Variants in RCC1L observed in about 807,000 individuals in gnomAD.
RCC1L encodes the protein RCC1 like, also known as RCC1-like G exchanging factor-like protein.
Under a neutral mutation model 58.6 loss-of-function variants are expected in RCC1L, and 46 were observed. The observed-to-expected ratio is 0.79, with a 90% confidence interval of 0.62 to 1.00. The LOEUF is 1.00. Ranked by LOEUF, RCC1L falls within the 50% of genes least tolerant of loss-of-function variation. The pLI is 0.00. For synonymous variants in RCC1L, 281 were observed against 262.9 expected (o/e 1.07, Z -0.67); for missense variants, 636 against 623.6 (o/e 1.02, Z -0.21).
chr7:75,055,801 G>A (rs1200414636), intron 9 of RCC1L, 100 bp downstream of exon 9: 15 of 1,408,514 alleles, frequency 1.1e-5, no homozygotes, highest in Non-Finnish European at 1.4e-5. Flanking sequence ...CCGTTCTGTT[G>A]GATGGGTGGA....
At chr7:75,040,820 G>A (rs992284790), downstream of RCC1L, among the ~76,000 whole-genome samples, 4,227 of 152,202 alleles carry the variant, frequency 0.028, 95 homozygotes, top group Middle Eastern at 0.058. Context: ...AATGGGGTTC[G>A]CAGCCCAGGT....
At chr7:75,037,961 G>GT (rs1805464468), downstream of RCC1L, among the ~76,000 whole-genome samples, 1 of 152,192 alleles carries the variant, frequency 6.6e-6, no homozygotes, top group Non-Finnish European at 1.5e-5. Context: ...CGGGGCTGGT[G>GT]TTTAATGAAT....
At chr7:75,066,906 A>G in intron 2 of RCC1L, 114 bp from the exon 3 acceptor site, 1 of 1,376,118 alleles carries the variant, frequency 7.3e-7, no homozygotes. Flanking sequence ...GGAAAGACTC[A>G]TCAAGACAGG....
intron 6 of RCC1L, among the ~76,000 whole-genome samples, chr7:75,059,648 C>T (rs1584498870): frequency 6.6e-6 from 1 of 151,968 alleles, no homozygotes; most frequent in East Asian, 1.9e-4. Flanking sequence ...TGGGCTCAAG[C>T]AATCCTCCTG....
chr7:75,028,050 TGTC>T, exon 11 of RCC1L: 2 of 1,534,564 alleles, frequency 1.3e-6, no homozygotes, highest in Non-Finnish European at 1.7e-6. Context: ...GTGGGCCTGT[TGTC>T]TTGGCGCTGG....
intron 10 of RCC1L, among the ~76,000 whole-genome samples, chr7:75,031,345 G>C (rs1396971243): frequency 1.3e-5 from 2 of 152,182 alleles, no homozygotes; most frequent in Non-Finnish European, 1.5e-5. Context: ...CTGGGTGAAG[G>C]GGAGAACCTG....
rs140417187 is a variant in RCC1L at position 75,066,757 on chromosome 7, C to G, written c.490G>C (p.Val164Leu). The G allele has an allele frequency of 6.2e-7, 1 of 1,612,632 alleles. No individual in the cohort carries two copies. Among genetic ancestry groups the G allele is most frequent in the Non-Finnish European group, 8.5e-7 (1 of 1,179,436 alleles). The change falls in exon 3 of 11, where the codon GTC becomes CTC. Residue 164 changes from valine (V) to leucine (L), a missense_variant. Transcript: ENST00000610322. ...GYEYVLEPSPVSLPLDRPQET... is the reference protein window; with the variant it reads ...GYEYVLEPSPLSLPLDRPQET... ...TGAGGTCTGTCCAGAGGCAGGGAGA[C>G]GGGTGAGGGCTCCAACACATACTCG...
chr7:75,051,162 C>T (rs1365473728), intron 10 of RCC1L, among the ~76,000 whole-genome samples: 1 of 143,644 alleles, frequency 7.0e-6, no homozygotes, highest in Admixed American at 7.2e-5. Flanking sequence ...GAGCCTCCAC[C>T]GATAGTCTTG....
chr7:75,059,919 C>A (rs1477208591), intron 6 of RCC1L, among the ~76,000 whole-genome samples: 1 of 152,102 alleles, frequency 6.6e-6, no homozygotes, highest in Non-Finnish European at 1.5e-5. Flanking sequence ...CGCCACCATG[C>A]CCAGCCAATT....
intron 2 of RCC1L, among the ~76,000 whole-genome samples, chr7:75,069,539 T>G (rs1554445712): frequency 6.6e-6 from 1 of 150,754 alleles, no homozygotes; most frequent in African/African-American, 2.4e-5. Flanking sequence ...TCACAGTAAT[T>G]TTTAGCTAAT....
intron 1 of RCC1L, 28 bp downstream of exon 1, chr7:75,073,386 G>A (rs1357897142): frequency 4.9e-6 from 5 of 1,016,704 alleles, no homozygotes; most frequent in Non-Finnish European, 6.6e-6. Context: ...GAGAGAGAAG[G>A]AGAGAAGGAG....
Position 75,064,664 on chromosome 7 carries a change from C to A in RCC1L, c.584-16G>T. 2 of 1,613,502 alleles carry A rather than the reference C, an allele frequency of 1.2e-6. No individual in the cohort carries two copies. Among genetic ancestry groups the A allele is most frequent in the South Asian group, 1.1e-5 (1 of 91,058 alleles). ...ATGCTGAAGACTAAAAATAACACCACCAATCAAATCAGTTCTGCAGGTTTG... is the reference window on the plus strand; with the variant it reads ...ATGCTGAAGACTAAAAATAACACCAACAATCAAATCAGTTCTGCAGGTTTG... On this transcript the variant is annotated splice_polypyrimidine_tract_variant and intron_variant, in intron 3 of 10. Coordinates refer to ENST00000610322, the MANE Select transcript of RCC1L (RefSeq NM_030798.5).
At chr7:75,051,343 TA>T (rs1805906415) in intron 10 of RCC1L, among the ~76,000 whole-genome samples, 1 of 149,342 alleles carries the variant, frequency 6.7e-6, no homozygotes, top group Non-Finnish European at 1.5e-5. Context: ...CACACATATA[TA>T]TACACACACA....
chr7:75,052,302 A>G (rs1805936840), intron 10 of RCC1L, among the ~76,000 whole-genome samples: 1 of 152,132 alleles, frequency 6.6e-6, no homozygotes, highest in African/African-American at 2.4e-5. Flanking sequence ...CCGGAGCCTC[A>G]TGGCACCCTA....
chr7:75,055,147 C>A (rs1806036232), intron 9 of RCC1L, among the ~76,000 whole-genome samples: 1 of 152,204 alleles, frequency 6.6e-6, no homozygotes, highest in South Asian at 2.1e-4. Context: ...TGAAAAGATT[C>A]TTTTAATTGC....
At chr7:75,049,099 G>A (rs1805830466) in intron 10 of RCC1L, among the ~76,000 whole-genome samples, 1 of 152,214 alleles carries the variant, frequency 6.6e-6, no homozygotes, top group African/African-American at 2.4e-5. Context: ...TGGTACCAGT[G>A]TATGAGCTAC....
At chr7:75,072,154 A>C (rs1806766485) in intron 1 of RCC1L, among the ~76,000 whole-genome samples, 1 of 54,024 alleles carries the variant, frequency 1.9e-5, no homozygotes, top group Admixed American at 2.6e-4. Context: ...ATATACATAT[A>C]CATATACATA....
Position 75,052,814 on chromosome 7 carries a change from CAG to C in RCC1L, c.1232-20_1232-19del, listed in dbSNP as rs781790139. 397 of 1,608,776 alleles carry C rather than the reference CAG, an allele frequency of 2.5e-4. 1 individual carries two copies. Among genetic ancestry groups the C allele is most frequent in the Admixed American group, 7.8e-4 (46 of 59,250 alleles). On this transcript the variant is annotated intron_variant, in intron 9 of 10. Coordinates refer to ENST00000610322, the MANE Select transcript of RCC1L (RefSeq NM_030798.5). ...TCCTTTGTCTGCAAAGGGAGGAAAA[CAG>C]GGGTTGGTTGGGACTGTGTGAAGAA... is the stretch of plus-strand genomic sequence containing the variant.
intron 8 of RCC1L, chr7:75,056,580 G>A: frequency 6.5e-7 from 1 of 1,533,512 alleles, no homozygotes; most frequent in Non-Finnish European, 8.7e-7. Flanking sequence ...AAAGCTGAAG[G>A]CTGTTCTCCC....
Sources: allele counts gnomAD v4.1 joint callset (sites outside exome capture counted in the v4.1 genomes callset), GRCh38; gene constraint gnomAD v4.1.1; transcripts MANE v1.5; gene names NCBI Gene and HGNC (gene_info 2026-07-23, HGNC 2026-07-21).